Variants in DCC observed in about 807,000 individuals in gnomAD.
DCC encodes the protein DCC netrin 1 receptor, also known as netrin receptor DCC.
In DCC, 58 loss-of-function variants were observed where a neutral mutation model predicts 172.5. That is an observed-to-expected ratio of 0.34 (90% CI 0.27 to 0.42). The LOEUF (loss-of-function observed/expected upper bound fraction) is 0.42. DCC is among the 10% of genes least tolerant of loss of function. The pLI is 1.00. For synonymous variants in DCC, 709 were observed against 644.5 expected (o/e 1.10, Z -1.52); for missense variants, 1,740 against 1,791.0 (o/e 0.97, Z 0.51).
intron 1 of DCC, among the ~76,000 whole-genome samples, chr18:52,618,638 G>A (rs1311858976): frequency 6.6e-6 from 1 of 152,156 alleles, no homozygotes; most frequent in Non-Finnish European, 1.5e-5. Context: ...GTCATCTTGT[G>A]TGAAACAATG....
chr18:53,342,573 G>C (rs938825125), intron 15 of DCC, among the ~76,000 whole-genome samples: 1 of 150,504 alleles, frequency 6.6e-6, no homozygotes, highest in Non-Finnish European at 1.5e-5. Context: ...CATTATTGAG[G>C]TATAATATTT....
At chr18:52,808,415 T>TC (rs397758296) in intron 2 of DCC, among the ~76,000 whole-genome samples, 3 of 150,930 alleles carry the variant, frequency 2.0e-5, no homozygotes, top group East Asian at 1.9e-4. Flanking sequence ...TTTTTTTTTT[T>TC]CCTACAACCT....
At chr18:52,993,143 TGACAA>T (rs2145625815) in intron 5 of DCC, among the ~76,000 whole-genome samples, 1 of 152,276 alleles carries the variant, frequency 6.6e-6, no homozygotes, top group South Asian at 2.1e-4. Flanking sequence ...AAAATATCTC[TGACAA>T]GAAAAGGATA....
intron 12 of DCC, among the ~76,000 whole-genome samples, chr18:53,302,931 G>A (rs1338970603): frequency 6.6e-6 from 1 of 152,128 alleles, no homozygotes; most frequent in African/African-American, 2.4e-5. Context: ...TTACAGCAAT[G>A]TGCCTTGAAA....
In DCC at chr18:52,427,852, C is replaced by CT. The variant is rs1165066281; in HGVS notation, c.91+86976dup. 7.5e-4 allele frequency among the ~76,000 whole-genome samples: 107 copies of CT among 143,294 alleles called. 4 individuals carry two copies. Among genetic ancestry groups the CT allele is most frequent in the South Asian group, 6.7e-3 (29 of 4,310 alleles). 94.0% of individuals were successfully genotyped at this position (143,294 alleles called of 152,430 possible). On this transcript the variant is annotated intron_variant, in intron 1 of 28. Coordinates refer to ENST00000442544, the MANE Select transcript of DCC (RefSeq NM_005215.4). ...CCTTCCTTTCTTCCTTCCTTCCTTC[C>CT]TTCCTTCCTTCCTTCCTTCCTTCCT...
intron 1 of DCC, among the ~76,000 whole-genome samples, chr18:52,673,735 A>G (rs11659471): frequency 0.3 from 45,126 of 152,142 alleles, 7,197 homozygotes; most frequent in Admixed American, 0.37. Flanking sequence ...TTTAGATCAC[A>G]TCGCTAATGT....
rs531384540 is a variant in DCC, at chr18:53,487,292, C to G, written c.3898+334C>G. 1.7e-3 allele frequency among the ~76,000 whole-genome samples: 256 copies of G among 152,280 alleles called. 1 individual carries two copies. The highest frequency in any genetic ancestry group is 3.3e-3 in the Non-Finnish European group (226 of 68,004). On this transcript the variant is annotated intron_variant, in intron 26 of 28. Coordinates refer to ENST00000442544, the MANE Select transcript of DCC (RefSeq NM_005215.4). ...GAAATTAATAATCAAGTGATATCTT[C>G]CAACATATTTGGTATCTGTTGGTTA...
chr18:52,433,793 T>C (rs1268940688), intron 1 of DCC, among the ~76,000 whole-genome samples: 1 of 152,230 alleles, frequency 6.6e-6, no homozygotes, highest in Admixed American at 6.5e-5. Flanking sequence ...AGTCCTATTT[T>C]TGTCTTATTC....
chr18:52,981,991 G>A (rs1316790526), intron 5 of DCC, among the ~76,000 whole-genome samples: 1 of 152,062 alleles, frequency 6.6e-6, no homozygotes, highest in East Asian at 1.9e-4. Context: ...AGTTAGAGAT[G>A]GGAAATTTTA....
intron 1 of DCC, among the ~76,000 whole-genome samples, chr18:52,701,622 T>C (rs1465219011): frequency 1.3e-5 from 2 of 152,238 alleles, no homozygotes; most frequent in East Asian, 1.9e-4. Flanking sequence ...TCGATTTGTA[T>C]ACGTGAAACA....
intron 5 of DCC, among the ~76,000 whole-genome samples, chr18:52,984,204 A>G (rs192958657): frequency 3.9e-5 from 6 of 152,276 alleles, no homozygotes; most frequent in Admixed American, 3.3e-4. Context: ...TATCTGTTAA[A>G]CACTGTAATT....
intron 7 of DCC, among the ~76,000 whole-genome samples, chr18:53,082,813 G>A (rs991756613): frequency 6.6e-6 from 1 of 151,828 alleles, no homozygotes; most frequent in Admixed American, 6.6e-5. Context: ...TAGTTAACTA[G>A]GATTTATATT....
In DCC at chr18:53,530,880, A is replaced by G. The variant is rs2046518446; in HGVS notation, c.*227A>G. The G allele has an allele frequency of 6.6e-6, 4 of 609,610 alleles. No individual in the cohort carries two copies. In the East Asian group the frequency reaches 8.5e-5, roughly 13 times the overall value. The allele number at this position is 609,610 out of a possible 1,614,324, so 37.8% of individuals were successfully genotyped here. A position where few individuals can be genotyped will look rare whatever the true frequency, so the allele number is the denominator to read the frequency against. ...ATTATGAGTTCCCTAAACAAAAGCA[A>G]AGATGCATTTTCACTGCAATGTCAA... On this transcript the variant is annotated 3_prime_UTR_variant, in exon 29 of 29. Transcript: ENST00000442544.
intron 2 of DCC, among the ~76,000 whole-genome samples, chr18:52,819,042 A>C (rs1223186292): frequency 1.3e-5 from 2 of 152,214 alleles, no homozygotes; most frequent in East Asian, 1.9e-4. Flanking sequence ...GAGGGGTTAC[A>C]AAAGAGATAG....
At chr18:53,480,703 A>G (rs2045821279) in intron 25 of DCC, 1 of 152,142 alleles carries the variant, frequency 6.6e-6, no homozygotes, top group South Asian at 2.1e-4. Context: ...GATCTCTTAA[A>G]TCCTCACAAC....
chr18:53,050,688 G>T (rs1343148907), intron 5 of DCC, among the ~76,000 whole-genome samples: 1 of 151,968 alleles, frequency 6.6e-6, no homozygotes, highest in East Asian at 1.9e-4. Flanking sequence ...AGACGTTGGG[G>T]TTCTCTAAAT....
chr18:52,352,961 C>T (rs750660280), intron 1 of DCC, among the ~76,000 whole-genome samples: 1 of 152,170 alleles, frequency 6.6e-6, no homozygotes, highest in Non-Finnish European at 1.5e-5. Flanking sequence ...GAATACTGCT[C>T]TAGATGACTG....
intron 7 of DCC, among the ~76,000 whole-genome samples, chr18:53,072,000 T>A (rs1333471413): frequency 6.6e-6 from 1 of 152,052 alleles, no homozygotes; most frequent in Non-Finnish European, 1.5e-5. Flanking sequence ...TGGTGACACA[T>A]GCCTGTAATC....
intron 1 of DCC, chr18:52,419,237 G>A (rs1489527222): frequency 6.6e-6 from 1 of 152,166 alleles, no homozygotes; most frequent in African/African-American, 2.4e-5. Context: ...TCATGTTCAG[G>A]ATGCAGCACA....
Sources: gnomAD v4.1 joint callset for allele counts (sites outside exome capture counted in the v4.1 genomes callset) on GRCh38, gnomAD v4.1.1 for gene constraint, MANE v1.5 for transcripts, NCBI Gene and HGNC (gene_info 2026-07-23, HGNC 2026-07-21) for gene names.